The following KTN1 variants were observed in gnomAD, a reference collection of about 807,000 sequenced individuals.
The protein encoded by KTN1 is kinectin 1.
KTN1 carries 130 observed loss-of-function variants against 222.5 expected under a neutral mutation model. The ratio of observed to expected loss-of-function variants is 0.58; its 90% CI spans 0.51 to 0.68. The LOEUF is 0.68. Among genes scored for constraint, KTN1 ranks in the 30% least tolerant of loss-of-function variants. The pLI is 0.00. For synonymous variants in KTN1, 512 were observed against 496.3 expected, an observed-to-expected ratio of 1.03 and a Z score of -0.42; for missense variants, 1,508 against 1,500.4, an observed-to-expected ratio of 1.01 and a Z score of -0.08.
In KTN1 at chr14:55,678,419, A is replaced by C; in HGVS notation, c.3923A>C (p.Glu1308Ala). Residue 1308 changes from glutamate (E) to alanine (A), a missense_variant, in exon 42 of 44, where the codon GAA (glutamate) becomes GCA (alanine). Physicochemically the swap from Glu to Ala is moderately radical, Grantham distance 107. Transcript: ENST00000395314. ...GCTGCTGGAGACACTACTGTTATTG[A>C]AAATAGTGATGTTTCCCCAGAAACG... is the stretch of plus-strand genomic sequence containing the variant. Reference protein sequence around the residue: ...VKAAGDTTVIENSDVSPETES... With the variant: ...VKAAGDTTVIANSDVSPETES... 6.2e-7 allele frequency: 1 copy of C among 1,609,210 alleles called. No homozygotes were observed. Among genetic ancestry groups the C allele is most frequent in the Non-Finnish European group, 8.5e-7 (1 of 1,175,640 alleles).
At position 55,646,966 on chromosome 14, in the gene KTN1, A is replaced by C. The variant is rs372534760; in HGVS notation, c.2173-7A>C. 2.6e-6 allele frequency: 4 copies of C among 1,518,106 alleles called. No individual in the cohort carries two copies. The East Asian group carries it at 9.1e-5, about 34-fold the overall frequency. 94.0% of individuals were successfully genotyped at this position (1,518,106 alleles called of 1,614,324 possible). A position where few individuals can be genotyped will look rare whatever the true frequency, so the allele number is the denominator to read the frequency against. Reference sequence around the variant, plus strand: ...AGTTAAACTTTTTTTGGTGATTTTTATTTTAGCCTAATAAGGATGTTGTGG... The same window carrying C: ...AGTTAAACTTTTTTTGGTGATTTTTCTTTTAGCCTAATAAGGATGTTGTGG... On this transcript the variant is annotated splice_polypyrimidine_tract_variant and splice_region_variant and intron_variant, in intron 18 of 43. Coordinates refer to ENST00000395314, the MANE Select transcript of KTN1 (RefSeq NM_001079521.2).
At chr14:55,677,861 G>T (rs746556285) in intron 41 of KTN1, among the ~76,000 whole-genome samples, 2 of 152,124 alleles carry the variant, frequency 1.3e-5, no homozygotes, top group East Asian at 1.9e-4. Context: ...ACCACACCTG[G>T]CTAATTTTGT....
chr14:55,670,516 C>T (rs1055777218), intron 34 of KTN1, among the ~76,000 whole-genome samples: 3 of 151,980 alleles, frequency 2.0e-5, no homozygotes, highest in Non-Finnish European at 4.4e-5. Context: ...ATGGTAGGTA[C>T]ATAGGTCTGT....
At chr14:55,666,465 G>T (rs12886475) in intron 33 of KTN1, among the ~76,000 whole-genome samples, 53,056 of 150,678 alleles carry the variant, frequency 0.35, 9,292 homozygotes, top group South Asian at 0.41. Flanking sequence ...TTACATTTTT[G>T]TTTTTGGTGC....
intron 25 of KTN1, 138 bp downstream of exon 25, chr14:55,652,065 G>A (rs536892804): frequency 1.7e-6 from 1 of 596,694 alleles, no homozygotes; most frequent in East Asian, 3.0e-5. Flanking sequence ...AAACTCCTAA[G>A]GGCCCTAAGT....
chr14:55,615,223 T>G (rs2140674913), intron 2 of KTN1, among the ~76,000 whole-genome samples: 1 of 152,320 alleles, frequency 6.6e-6, no homozygotes, highest in African/African-American at 2.4e-5. Flanking sequence ...TTTTAACAAC[T>G]TTTAAGTGTG....
At chr14:55,607,736 G>T (rs2036944861) in intron 1 of KTN1, among the ~76,000 whole-genome samples, 1 of 152,112 alleles carries the variant, frequency 6.6e-6, no homozygotes, top group South Asian at 2.1e-4. Flanking sequence ...TATTAGAAAG[G>T]GTAAGCCAGG....
chr14:55,630,883 G>A (rs561944408), intron 7 of KTN1, among the ~76,000 whole-genome samples: 1 of 152,146 alleles, frequency 6.6e-6, no homozygotes, highest in Non-Finnish European at 1.5e-5. Context: ...GAGAGAATGA[G>A]TTTGAGTATA....
intron 15 of KTN1, among the ~76,000 whole-genome samples, 163 bp downstream of exon 15, chr14:55,640,605 A>G (rs2041683552): frequency 6.6e-6 from 1 of 151,944 alleles, no homozygotes; most frequent in South Asian, 2.1e-4. Flanking sequence ...GTTGAAATAA[A>G]TGTTTGATCC....
At chr14:55,649,859 T>G (rs1278407656) in intron 22 of KTN1, 46 bp downstream of exon 22, 1 of 320,932 alleles carries the variant, frequency 3.1e-6, no homozygotes, top group African/African-American at 4.5e-5. Context: ...CTTTGGTCCA[T>G]TTTTTTTTTG....
chr14:55,621,213 G>A (rs2039085447), intron 5 of KTN1, among the ~76,000 whole-genome samples: 1 of 152,116 alleles, frequency 6.6e-6, no homozygotes, highest in African/African-American at 2.4e-5. Flanking sequence ...ATCATCATCA[G>A]CATTTTGGTC....
intron 38 of KTN1, 110 bp from the exon 39 acceptor site, chr14:55,672,819 G>A: frequency 9.4e-7 from 1 of 1,063,510 alleles, no homozygotes; most frequent in South Asian, 1.4e-5. Context: ...CTTGGGTAGT[G>A]TTTGAGTTGA....
At chr14:55,639,672 G>C (rs148625280) in intron 13 of KTN1, among the ~76,000 whole-genome samples, 96 of 151,824 alleles carry the variant, frequency 6.3e-4, no homozygotes, top group African/African-American at 2.1e-3. Context: ...CTGAAATCTG[G>C]TTTTGACATA....
chr14:55,681,686 C>CAAACA (rs2046381611), intron 43 of KTN1: 2 of 152,136 alleles, frequency 1.3e-5, no homozygotes, highest in Non-Finnish European at 2.9e-5. Flanking sequence ...CCAAGTTTGG[C>CAAACA]AAGTGGGTGG....
chr14:55,665,617 C>T (rs931541628), intron 33 of KTN1, among the ~76,000 whole-genome samples: 4 of 151,848 alleles, frequency 2.6e-5, no homozygotes, highest in Non-Finnish European at 5.9e-5. Context: ...GGTCAGCTTA[C>T]CTAAAATGTA....
intron 1 of KTN1, among the ~76,000 whole-genome samples, chr14:55,604,535 A>G (rs565101680): frequency 6.6e-6 from 1 of 152,030 alleles, no homozygotes; most frequent in African/African-American, 2.4e-5. Context: ...TGTGCTCCCT[A>G]TTTCTCTTCC....
chr14:55,659,598 A>C, intron 30 of KTN1, 68 bp from the exon 31 acceptor site: 1 of 933,860 alleles, frequency 1.1e-6, no homozygotes, highest in Non-Finnish European at 1.7e-6. Context: ...TATATTTGAG[A>C]AAAGCTTCAA....
chr14:55,674,038 A>G (rs575767127), intron 40 of KTN1: 1 of 152,084 alleles, frequency 6.6e-6, no homozygotes, highest in African/African-American at 2.4e-5. Flanking sequence ...CTCTCAGAAG[A>G]TTACAGTAGT....
At chr14:55,640,577 T>C in intron 15 of KTN1, 135 bp downstream of exon 15, 1 of 641,702 alleles carries the variant, frequency 1.6e-6, no homozygotes, top group Non-Finnish European at 2.7e-6. Flanking sequence ...CTGCATGATT[T>C]GATGTTACTG....
Sources: gnomAD v4.1 joint callset for allele counts (sites outside exome capture counted in the v4.1 genomes callset) on GRCh38, gnomAD v4.1.1 for gene constraint, MANE v1.5 for transcripts, NCBI Gene and HGNC (gene_info 2026-07-23, HGNC 2026-07-21) for gene names.